Variants in RUFY3 observed in about 807,000 individuals in gnomAD.
RUFY3 encodes protein RUFY3.
A neutral mutation model predicts 84.0 loss-of-function variants in RUFY3; 34 were observed. The ratio of observed to expected loss-of-function variants is 0.40; its 90% CI spans 0.31 to 0.54. The LOEUF is 0.54. Among genes scored for constraint, RUFY3 ranks in the 20% least tolerant of loss-of-function variants. The pLI, the probability that RUFY3 is intolerant of heterozygous loss-of-function variation, is 0.39. For synonymous variants in RUFY3, 242 were observed against 252.9 expected, an observed-to-expected ratio of 0.96 and a Z score of 0.41; for missense variants, 507 against 736.8, an observed-to-expected ratio of 0.69 and a Z score of 3.61.
chr4:70,710,790 T>C lies in RUFY3; in HGVS notation c.358+5496T>C, dbSNP rs1292784982. ...AAGAGATATGTCAATGGGCCAGGCA[T>C]GGTGGCTCATGCCTGTAATCCCAGC... On this transcript the variant is annotated intron_variant, in intron 1 of 11. Transcript: ENST00000417478. Among the ~76,000 whole-genome samples the C allele has an allele frequency of 2.0e-5, 3 of 149,902 alleles. No homozygotes were observed. The East Asian group carries it at 6.1e-4, about 31-fold the overall frequency.
chr4:70,806,625 A>G lies in RUFY3; in HGVS notation c.1829A>G (p.His610Arg). The G allele has an allele frequency of 3.7e-6, 6 of 1,614,164 alleles. No homozygotes were observed. Among genetic ancestry groups the G allele is most frequent in the Non-Finnish European group, 5.1e-6 (6 of 1,180,016 alleles). The stretch of plus-strand genomic sequence containing the variant: ...CGAGTTTGCAATCCCTGTCACAAGC[A>G]TCTGATGAAGCAATATTCTACCAGC... ...LERVCNPCHK[H>R]LMKQYSTSPS The change falls in exon 18 of 18, where the codon CAT (histidine) becomes CGT (arginine). Residue 610 changes from histidine (H) to arginine (R), a missense_variant. Physicochemically the swap from His to Arg is conservative, Grantham distance 29. Transcript: ENST00000381006.
chr4:70,771,962 G>A (rs1273687963), intron 5 of RUFY3, among the ~76,000 whole-genome samples: 1 of 151,946 alleles, frequency 6.6e-6, no homozygotes, highest in East Asian at 1.9e-4. Flanking sequence ...AAAGGAACCA[G>A]ATCATCATAA....
intron 15 of RUFY3, among the ~76,000 whole-genome samples, chr4:70,801,457 T>C (rs758365692): frequency 6.6e-5 from 10 of 152,174 alleles, no homozygotes; most frequent in Non-Finnish European, 8.8e-5. Flanking sequence ...GCAGGAAGCA[T>C]GTGGGAAGTC....
At chr4:70,793,519 TG>T in intron 12 of RUFY3, 4 of 1,307,604 alleles carry the variant, frequency 3.1e-6, no homozygotes, top group Non-Finnish European at 3.9e-6. Context: ...ATCTAATGGC[TG>T]TAAACTGTAG....
intron 5 of RUFY3, among the ~76,000 whole-genome samples, 199 bp from the exon 6 acceptor site, chr4:70,773,312 T>C (rs1040450749): frequency 1.3e-5 from 2 of 152,232 alleles, no homozygotes; most frequent in African/African-American, 4.8e-5. Flanking sequence ...TCTAGTCTTA[T>C]TGACATAATC....
At chr4:70,711,171 CT>C (rs1353735740) in intron 1 of RUFY3, among the ~76,000 whole-genome samples, 2 of 150,814 alleles carry the variant, frequency 1.3e-5, no homozygotes, top group South Asian at 4.2e-4. Flanking sequence ...GTTGCCCAGG[CT>C]GGTCTTGGAC....
chr4:70,704,785 G>C, upstream of RUFY3: 1 of 469,308 alleles, frequency 2.1e-6, no homozygotes, highest in Non-Finnish European at 3.3e-6. Context: ...GAGCGGCGGA[G>C]CCCAGGCGCC....
intron 1 of RUFY3, among the ~76,000 whole-genome samples, chr4:70,735,983 C>T (rs1289060767): frequency 1.3e-5 from 2 of 151,270 alleles, no homozygotes; most frequent in Non-Finnish European, 2.9e-5. Flanking sequence ...AGCAAAACTT[C>T]ATCTCAAAAA....
At chr4:70,786,179 C>T (rs1578213521) in intron 10 of RUFY3, among the ~76,000 whole-genome samples, 2 of 152,270 alleles carry the variant, frequency 1.3e-5, no homozygotes, top group African/African-American at 2.4e-5. Flanking sequence ...TGATAACACT[C>T]ATACGTGGAA....
chr4:70,777,324 A>C lies in RUFY3; in HGVS notation c.825-1045A>C, dbSNP rs188708335. On this transcript the variant is annotated intron_variant, in intron 7 of 17. Transcript: ENST00000381006. ...TCCTCTCTCCTGAGAAGAGCTATCC[A>C]AAAGCTATTGGTATTCTCAAGTACT... Among the ~76,000 whole-genome samples the C allele has an allele frequency of 3.9e-4, 59 of 152,362 alleles. 2 individuals carry two copies. The highest frequency in any genetic ancestry group is 3.9e-3 in the Admixed American group (59 of 15,296).
In RUFY3 at chr4:70,806,532, G is replaced by T. The variant is rs749009126; in HGVS notation, c.1736G>T (p.Cys579Phe). Residue 579 changes from cysteine (C) to phenylalanine (F), a missense_variant, in exon 18 of 18, where the codon TGC (cysteine) becomes TTC (phenylalanine). Transcript: ENST00000381006. ...GSLTKNVCKN[C>F]SGTFCDACST... Reference sequence around the variant, plus strand: ...TTCTCATAGAATGTGTGTAAGAACTGCAGCGGAACCTTCTGTGATGCCTGT... The same window carrying T: ...TTCTCATAGAATGTGTGTAAGAACTTCAGCGGAACCTTCTGTGATGCCTGT... 1.1e-5 allele frequency: 18 copies of T among 1,613,968 alleles called. No homozygotes were observed. Among genetic ancestry groups the T allele is most frequent in the Middle Eastern group, 1.6e-4 (1 of 6,082 alleles).
intron 1 of RUFY3, among the ~76,000 whole-genome samples, chr4:70,754,440 A>G (rs543212152): frequency 1.3e-5 from 2 of 152,318 alleles, no homozygotes; most frequent in African/African-American, 2.4e-5. Context: ...GAGTAGAAAT[A>G]TGATACCTGA....
chr4:70,737,143 T>G (rs757851578), intron 1 of RUFY3, among the ~76,000 whole-genome samples: 5 of 152,238 alleles, frequency 3.3e-5, no homozygotes, highest in Non-Finnish European at 7.3e-5. Flanking sequence ...GTTTTTCTCA[T>G]GCTGTATTAA....
intron 12 of RUFY3, chr4:70,792,862 T>A (rs1037727544): frequency 1.0e-6 from 1 of 985,262 alleles, no homozygotes; most frequent in Non-Finnish European, 1.2e-6. Context: ...TTAATTCTTA[T>A]AATTTGCACC....
At chr4:70,747,745 G>A (rs1421388816) in intron 1 of RUFY3, among the ~76,000 whole-genome samples, 1 of 152,172 alleles carries the variant, frequency 6.6e-6, no homozygotes, top group East Asian at 1.9e-4. Context: ...TGGGCATGGT[G>A]GTTGCATTCC....
chr4:70,760,726 TACATTTAAGCTATGGCC>T (rs1275304058), intron 1 of RUFY3, among the ~76,000 whole-genome samples: 1 of 152,220 alleles, frequency 6.6e-6, no homozygotes, highest in East Asian at 1.9e-4. Flanking sequence ...CAAGTTGATC[TACATTTAAGCTATGGCC>T]ACATTTAAAC....
At chr4:70,747,445 C>G (rs577946479) in intron 1 of RUFY3, among the ~76,000 whole-genome samples, 2 of 151,680 alleles carry the variant, frequency 1.3e-5, no homozygotes, top group South Asian at 4.2e-4. Flanking sequence ...GTATCCTGTG[C>G]TGCCTCTCTG....
chr4:70,775,364 A>G (rs573581837), intron 7 of RUFY3, 131 bp downstream of exon 7: 7 of 539,904 alleles, frequency 1.3e-5, no homozygotes, highest in South Asian at 7.4e-5. Flanking sequence ...TTTGCCAGGC[A>G]CTGAGTTAGG....
chr4:70,724,447 A>G (rs1267603839), intron 1 of RUFY3, among the ~76,000 whole-genome samples: 2 of 152,218 alleles, frequency 1.3e-5, no homozygotes, highest in African/African-American at 4.8e-5. Context: ...ATTCCTATGG[A>G]TAAGCAAAAG....
Sources: allele counts gnomAD v4.1 joint callset (sites outside exome capture counted in the v4.1 genomes callset), GRCh38; gene constraint gnomAD v4.1.1; transcripts MANE v1.5; gene names NCBI Gene and HGNC (gene_info 2026-07-23, HGNC 2026-07-21).